The following BMP6 variants were observed in gnomAD, a reference collection of about 807,000 sequenced individuals.
The protein encoded by BMP6 is bone morphogenetic protein 6, also known as VG-1-R.
BMP6 carries 17 observed loss-of-function variants against 54.1 expected under a neutral mutation model. The ratio of observed to expected loss-of-function variants is 0.31; its 90% CI spans 0.22 to 0.47. The LOEUF (loss-of-function observed/expected upper bound fraction) is 0.47. BMP6 is among the 20% of genes least tolerant of loss of function. The pLI is 1.00. For missense variants in BMP6, 720 were observed against 690.4 expected (o/e 1.04, Z -0.48); for synonymous variants, 328 against 291.2 (o/e 1.13, Z -1.28).
intron 1 of BMP6, among the ~76,000 whole-genome samples, chr6:7,730,680 C>G (rs1331042157): frequency 6.6e-6 from 1 of 152,208 alleles, no homozygotes; most frequent in Non-Finnish European, 1.5e-5. Flanking sequence ...ATAGGAAGGA[C>G]AGTTCATTTG....
chr6:7,767,981 G>T (rs1757717751), intron 1 of BMP6, among the ~76,000 whole-genome samples: 1 of 152,128 alleles, frequency 6.6e-6, no homozygotes, highest in Non-Finnish European at 1.5e-5. Flanking sequence ...ATGACCCTGT[G>T]CCCTGGGCTC....
intron 2 of BMP6, among the ~76,000 whole-genome samples, chr6:7,847,730 AG>A (rs1404597635): frequency 6.6e-6 from 1 of 152,168 alleles, no homozygotes; most frequent in African/African-American, 2.4e-5. Flanking sequence ...AGCCTGACCC[AG>A]GGAGGGTCAG....
intron 1 of BMP6, among the ~76,000 whole-genome samples, chr6:7,819,736 T>C (rs1758580050): frequency 6.6e-6 from 1 of 152,238 alleles, no homozygotes; most frequent in South Asian, 2.1e-4. Flanking sequence ...GAAGATGGTC[T>C]TTAAATCCCA....
At chr6:7,794,447 A>T (rs534641735) in intron 1 of BMP6, among the ~76,000 whole-genome samples, 2 of 152,174 alleles carry the variant, frequency 1.3e-5, no homozygotes, top group East Asian at 1.9e-4. Context: ...AAATTTTTTT[A>T]AAAATAGCTG....
At chr6:7,827,544 C>G (rs1308232439) in intron 1 of BMP6, among the ~76,000 whole-genome samples, 2 of 152,186 alleles carry the variant, frequency 1.3e-5, no homozygotes, top group Non-Finnish European at 2.9e-5. Context: ...CCTTCTCCAG[C>G]CCAGTATTTC....
chr6:7,768,316 C>A (rs1256911374), intron 1 of BMP6, among the ~76,000 whole-genome samples: 1 of 152,168 alleles, frequency 6.6e-6, no homozygotes, highest in Non-Finnish European at 1.5e-5. Flanking sequence ...ACTGGGTCGC[C>A]CTGGAGTTTT....
At chr6:7,836,994 T>G (rs1044164466) in intron 1 of BMP6, among the ~76,000 whole-genome samples, 22 of 152,204 alleles carry the variant, frequency 1.4e-4, no homozygotes, top group Admixed American at 2.0e-4. Flanking sequence ...CAAAAAAAAT[T>G]TCAAGTTTGG....
chr6:7,832,018 T>C (rs1758800651), intron 1 of BMP6, among the ~76,000 whole-genome samples: 1 of 152,174 alleles, frequency 6.6e-6, no homozygotes, highest in Non-Finnish European at 1.5e-5. Flanking sequence ...TTTGAGAGGC[T>C]TGCAGCCCAG....
intron 1 of BMP6, among the ~76,000 whole-genome samples, chr6:7,810,259 C>T (rs1222142120): frequency 1.3e-5 from 2 of 152,134 alleles, no homozygotes; most frequent in Non-Finnish European, 2.9e-5. Context: ...ACCCCCCAAC[C>T]CACCCTCAAA....
chr6:7,786,458 CTGTTT>C (rs1758021282), intron 1 of BMP6, among the ~76,000 whole-genome samples: 1 of 76,978 alleles, frequency 1.3e-5, no homozygotes. Flanking sequence ...CTTCTTTAGT[CTGTTT>C]TTTTTTTTTT....
chr6:7,838,599 G>A (rs1758914213), intron 1 of BMP6, among the ~76,000 whole-genome samples: 1 of 152,134 alleles, frequency 6.6e-6, no homozygotes, highest in South Asian at 2.1e-4. Context: ...CAGAGTCCTT[G>A]CCGCTCTCCT....
chr6:7,811,975 G>A (rs1041865500), intron 1 of BMP6, among the ~76,000 whole-genome samples: 1 of 152,206 alleles, frequency 6.6e-6, no homozygotes, highest in Non-Finnish European at 1.5e-5. Context: ...ACAGGGTAGC[G>A]CCTCTGCTCA....
At chr6:7,780,709 G>GTTATTATTA (rs10665058) in intron 1 of BMP6, among the ~76,000 whole-genome samples, 4 of 151,124 alleles carry the variant, frequency 2.6e-5, no homozygotes, top group Non-Finnish European at 5.9e-5. Flanking sequence ...TTATTTTATT[G>GTTATTATTA]TTATTATTAT....
intron 1 of BMP6, among the ~76,000 whole-genome samples, chr6:7,799,795 T>G (rs1758243154): frequency 6.6e-6 from 1 of 151,346 alleles, no homozygotes; most frequent in Admixed American, 6.6e-5. Context: ...TATCATAGAG[T>G]CTTTAAAACT....
intron 1 of BMP6, among the ~76,000 whole-genome samples, chr6:7,765,558 A>G (rs1364457732): frequency 1.3e-5 from 2 of 152,248 alleles, no homozygotes; most frequent in African/African-American, 4.8e-5. Flanking sequence ...TGTCAGCAGC[A>G]TCATCTCCCA....
chr6:7,817,395 A>G (rs1490067285), intron 1 of BMP6, among the ~76,000 whole-genome samples: 2 of 152,154 alleles, frequency 1.3e-5, no homozygotes, highest in Non-Finnish European at 2.9e-5. Flanking sequence ...CTATGCAACC[A>G]TAAAAAAGGA....
chr6:7,876,890 T>TC (rs1475071222), intron 4 of BMP6, among the ~76,000 whole-genome samples: 13 of 152,206 alleles, frequency 8.5e-5, no homozygotes, highest in African/African-American at 2.9e-4. Context: ...TCCTTTTTTT[T>TC]CCTCTAGTTT....
chr6:7,827,629 T>C (rs772635272), intron 1 of BMP6, among the ~76,000 whole-genome samples: 2 of 152,186 alleles, frequency 1.3e-5, no homozygotes, highest in Non-Finnish European at 2.9e-5. Flanking sequence ...AAATCCAAGA[T>C]TGTTATTTCA....
chr6:7,727,729 T>C, intron 1 of BMP6, 110 bp downstream of exon 1: 1 of 1,282,706 alleles, frequency 7.8e-7, no homozygotes, highest in Non-Finnish European at 1.0e-6. Context: ...GGGTCCCGCC[T>C]GGTGCGCCAG....
Sources: allele counts gnomAD v4.1 joint callset (sites outside exome capture counted in the v4.1 genomes callset), GRCh38; gene constraint gnomAD v4.1.1; transcripts MANE v1.5; gene names NCBI Gene and HGNC (gene_info 2026-07-23, HGNC 2026-07-21).